The following IL1RAPL1 variants were observed in gnomAD, a reference collection of about 807,000 sequenced individuals.
The protein encoded by IL1RAPL1 is interleukin-1 receptor accessory protein-like 1.
In IL1RAPL1, 3 loss-of-function variants were observed where a neutral mutation model predicts 48.4. The ratio of observed to expected loss-of-function variants is 0.06; its 90% CI spans 0.03 to 0.16. IL1RAPL1 has a LOEUF of 0.16. Ranked by LOEUF, IL1RAPL1 falls within the 10% of genes least tolerant of loss-of-function variation. The pLI is 1.00. For missense variants in IL1RAPL1, 349 were observed against 530.6 expected (o/e 0.66, Z 3.36); for synonymous variants, 185 against 187.7 (o/e 0.99, Z 0.12).
At chrX:29,775,178 C>A (rs894858247) in intron 6 of IL1RAPL1, among the ~76,000 whole-genome samples, 2 of 111,609 alleles carry the variant, frequency 1.8e-5, no homozygotes, top group African/African-American at 6.5e-5. Context: ...ATTTCACTTT[C>A]CATTTCCTAG....
At chrX:29,285,488 C>T (rs187303911) in intron 3 of IL1RAPL1, among the ~76,000 whole-genome samples, 21 of 88,015 alleles carry the variant, frequency 2.4e-4, no homozygotes, top group Non-Finnish European at 3.8e-4. Context: ...GCCGAGATCG[C>T]GCCATTGCAC....
intron 2 of IL1RAPL1, among the ~76,000 whole-genome samples, chrX:29,051,577 G>A (rs1460519650): frequency 3.6e-5 from 4 of 112,339 alleles, no homozygotes; most frequent in East Asian, 5.6e-4. Flanking sequence ...AAAGCAATCC[G>A]GCTGGGGATC....
At chrX:29,929,050 TAATA>T (rs1244286537) in intron 8 of IL1RAPL1, among the ~76,000 whole-genome samples, 4 of 111,538 alleles carry the variant, frequency 3.6e-5, no homozygotes, top group Non-Finnish European at 7.5e-5. Context: ...CTATGAAAAA[TAATA>T]AATTGGGAGG....
At chrX:29,889,252 T>C (rs1348204155) in intron 6 of IL1RAPL1, among the ~76,000 whole-genome samples, 1 of 111,620 alleles carries the variant, frequency 9.0e-6, no homozygotes, top group Non-Finnish European at 1.9e-5. Flanking sequence ...TTCACTGCAG[T>C]TTACTGCTGA....
At chrX:28,789,901 T>G (rs1265378018) in intron 2 of IL1RAPL1, among the ~76,000 whole-genome samples, 9 of 111,798 alleles carry the variant, frequency 8.1e-5, no homozygotes, top group Non-Finnish European at 1.7e-4. Context: ...GAAAATGTCA[T>G]GAGGAAGCAC....
Position 29,803,125 on chromosome X carries a change from A to G in IL1RAPL1, c.779-114339A>G, listed in dbSNP as rs751048564. On this transcript the variant is annotated intron_variant, in intron 6 of 10. Coordinates refer to ENST00000378993, the MANE Select transcript of IL1RAPL1 (RefSeq NM_014271.4). The stretch of plus-strand genomic sequence containing the variant: ...TATACATATATGTATATATGTGTAT[A>G]CATGTATGCATATATGTATATATGT... 3.5e-4 allele frequency among the ~76,000 whole-genome samples: 33 copies of G among 93,292 alleles called. No homozygotes were observed. In the South Asian group the frequency reaches 5.9e-3, roughly 17 times the overall value. 81.0% of individuals were successfully genotyped at this position (93,292 alleles called of 115,157 possible).
chrX:28,770,451 C>T (rs1189006713), intron 1 of IL1RAPL1, among the ~76,000 whole-genome samples: 1 of 112,249 alleles, frequency 8.9e-6, no homozygotes, highest in African/African-American at 3.2e-5. Flanking sequence ...GGTGTTATTT[C>T]TTCAAATCGT....
intron 6 of IL1RAPL1, among the ~76,000 whole-genome samples, chrX:29,789,542 A>G (rs1394362266): frequency 8.9e-6 from 1 of 111,944 alleles, no homozygotes; most frequent in African/African-American, 3.2e-5. Context: ...AAAATCGGAT[A>G]ATTCTGTTCT....
chrX:29,379,548 C>G (rs1933667284), intron 3 of IL1RAPL1, among the ~76,000 whole-genome samples: 1 of 111,971 alleles, frequency 8.9e-6, no homozygotes, highest in East Asian at 2.8e-4. Flanking sequence ...GCTCAAATGT[C>G]TGTGGGGGAC....
chrX:29,046,025 C>CTCT (rs1356520517), intron 2 of IL1RAPL1, among the ~76,000 whole-genome samples: 1 of 82,343 alleles, frequency 1.2e-5, no homozygotes, highest in Non-Finnish European at 2.2e-5. Context: ...TTTCTTCTTC[C>CTCT]TCTTCTTCTC....
At chrX:29,851,985 C>A (rs1931379650) in intron 6 of IL1RAPL1, among the ~76,000 whole-genome samples, 1 of 112,483 alleles carries the variant, frequency 8.9e-6, no homozygotes, top group Non-Finnish European at 1.9e-5. Context: ...AGTGTTTTAG[C>A]TTTGAATTGA....
intron 5 of IL1RAPL1, among the ~76,000 whole-genome samples, chrX:29,406,116 A>G (rs978753994): frequency 6.3e-5 from 7 of 111,715 alleles, no homozygotes; most frequent in Middle Eastern, 4.6e-3. Context: ...CTGGCTGGGC[A>G]CAGTGGCTCA....
chrX:29,565,904 T>G (rs758060287), intron 5 of IL1RAPL1, among the ~76,000 whole-genome samples: 1 of 111,893 alleles, frequency 8.9e-6, no homozygotes, highest in East Asian at 2.8e-4. Flanking sequence ...TGAAATTAAA[T>G]GAAATGCACT....
At chrX:29,145,344 A>G (rs998450382) in intron 2 of IL1RAPL1, among the ~76,000 whole-genome samples, 13 of 112,254 alleles carry the variant, frequency 1.2e-4, no homozygotes, top group African/African-American at 4.2e-4. Flanking sequence ...TCATCTTATT[A>G]TCCAGTCTGT....
chrX:29,252,254 T>A (rs1602136318), intron 2 of IL1RAPL1, among the ~76,000 whole-genome samples: 1 of 106,324 alleles, frequency 9.4e-6, no homozygotes, highest in Non-Finnish European at 1.9e-5. Context: ...ACCCTAAAAC[T>A]TAAAGTACAA....
intron 5 of IL1RAPL1, among the ~76,000 whole-genome samples, chrX:29,613,828 A>G (rs1924181832): frequency 1.0e-5 from 1 of 99,347 alleles, no homozygotes; most frequent in Admixed American, 1.1e-4. Flanking sequence ...CAGTGGCGCA[A>G]TCTCGGCTCA....
At chrX:29,252,218 A>C (rs1326039793) in intron 2 of IL1RAPL1, among the ~76,000 whole-genome samples, 3 of 112,389 alleles carry the variant, frequency 2.7e-5, no homozygotes, top group Non-Finnish European at 5.6e-5. Flanking sequence ...ATACATATGT[A>C]ACTAACCTGC....
intron 2 of IL1RAPL1, among the ~76,000 whole-genome samples, chrX:29,155,807 G>A (rs1331509682): frequency 9.0e-6 from 1 of 111,221 alleles, no homozygotes; most frequent in African/African-American, 3.3e-5. Flanking sequence ...ATTTCAGGGC[G>A]TGTATGTCAT....
chrX:29,217,705 A>G (rs1191473496), intron 2 of IL1RAPL1, among the ~76,000 whole-genome samples: 1 of 106,646 alleles, frequency 9.4e-6, no homozygotes, highest in East Asian at 3.0e-4. Flanking sequence ...TACTGATTGA[A>G]CTCTTGAACT....
Sources: allele counts gnomAD v4.1 joint callset (sites outside exome capture counted in the v4.1 genomes callset), GRCh38; gene constraint gnomAD v4.1.1; transcripts MANE v1.5; gene names NCBI Gene and HGNC (gene_info 2026-07-23, HGNC 2026-07-21).